The following RIBC2 variants were observed in gnomAD, a reference collection of about 807,000 sequenced individuals.
RIBC2 encodes RIB43A domain with coiled-coils 2, also known as RIB43A-like with coiled-coils protein 2.
Under a neutral mutation model 44.3 loss-of-function variants are expected in RIBC2, and 40 were observed. The ratio of observed to expected loss-of-function variants is 0.90; its 90% CI spans 0.70 to 1.18. The LOEUF (loss-of-function observed/expected upper bound fraction) is 1.18. Ranked by LOEUF, RIBC2 falls within the 50% of genes most tolerant of loss-of-function variation. The pLI, the probability that RIBC2 is intolerant of heterozygous loss-of-function variation, is 0.00. For missense variants in RIBC2, 459 were observed against 485.5 expected (o/e 0.95, Z 0.51); for synonymous variants, 171 against 175.0 (o/e 0.98, Z 0.18).
At chr22:45,431,835 T>C (rs2087583180) in intron 6 of RIBC2, among the ~76,000 whole-genome samples, 1 of 152,140 alleles carries the variant, frequency 6.6e-6, no homozygotes, top group African/African-American at 2.4e-5. Flanking sequence ...TAGCCAGGCA[T>C]GGTGGCACAC....
chr22:45,419,153 C>G (rs117191793), intron 3 of RIBC2, among the ~76,000 whole-genome samples: 274 of 152,342 alleles, frequency 1.8e-3, no homozygotes, highest in Non-Finnish European at 3.1e-3. Flanking sequence ...TAAATGCCAC[C>G]TATAGGCCAT....
Position 45,415,612 on chromosome 22 carries a change from T to C in RIBC2, c.211+1209T>C, listed in dbSNP as rs958435819. 1.2e-4 allele frequency among the ~76,000 whole-genome samples: 17 copies of C among 145,542 alleles called. No individual in the cohort carries two copies. In the East Asian group the frequency reaches 2.7e-3, roughly 23 times the overall value. On this transcript the variant is annotated intron_variant, in intron 2 of 6. Transcript: ENST00000614167. Reference sequence around the variant, plus strand: ...TGTTTTTTATATATGTGTATATATATATATATATATATAACAACACTGCCC... The same window carrying C: ...TGTTTTTTATATATGTGTATATATACATATATATATATAACAACACTGCCC...
intron 3 of RIBC2, among the ~76,000 whole-genome samples, chr22:45,421,650 C>T (rs1194478956): frequency 6.6e-6 from 1 of 150,656 alleles, no homozygotes; most frequent in Non-Finnish European, 1.5e-5. Flanking sequence ...TCCTGCTTCA[C>T]AGGTAAGGAC....
At position 45,430,766 on chromosome 22, in the gene RIBC2, C is replaced by T. The variant is rs962737385; in HGVS notation, c.904-134C>T. The T allele has an allele frequency of 1.6e-4, 178 of 1,134,716 alleles. 1 individual carries two copies. The highest frequency in any genetic ancestry group is 6.2e-4 in the South Asian group (37 of 59,708). 70.3% of individuals were successfully genotyped at this position (1,134,716 alleles called of 1,614,324 possible). A position where few individuals can be genotyped will look rare whatever the true frequency, so the allele number is the denominator to read the frequency against. On this transcript the variant is annotated intron_variant, in intron 5 of 6. Coordinates refer to ENST00000614167, the MANE Select transcript of RIBC2 (RefSeq NM_015653.5). ...TCTCCTCTGGCTTCCTGCATGACAT[C>T]GGTCACCTACCTGCTCGTCCTCTGA...
chr22:45,432,255 AC>A, intron 6 of RIBC2, 28 bp from the exon 7 acceptor site: 4 of 1,279,840 alleles, frequency 3.1e-6, no homozygotes, highest in Non-Finnish European at 3.3e-6. Flanking sequence ...ACATTTGCTG[AC>A]CTTTTTTTTT....
chr22:45,425,120 C>CA (rs1339900568), intron 4 of RIBC2, among the ~76,000 whole-genome samples: 12 of 148,512 alleles, frequency 8.1e-5, no homozygotes, highest in Non-Finnish European at 1.5e-4. Flanking sequence ...GACTCCGTCT[C>CA]AAAAAAACAA....
At chr22:45,415,994 C>T (rs953529198) in intron 2 of RIBC2, among the ~76,000 whole-genome samples, 2 of 152,296 alleles carry the variant, frequency 1.3e-5, no homozygotes, top group African/African-American at 4.8e-5. Flanking sequence ...GCCACCAGGC[C>T]CAGCCCCCAC....
At chr22:45,420,508 T>A (rs2087467756) in intron 3 of RIBC2, among the ~76,000 whole-genome samples, 1 of 152,228 alleles carries the variant, frequency 6.6e-6, no homozygotes, top group Non-Finnish European at 1.5e-5. Flanking sequence ...CAAAAGGCTT[T>A]GTTTCAGCTG....
In RIBC2 at chr22:45,417,928, G is replaced by C. The variant is rs755767708; in HGVS notation, c.538G>C (p.Ala180Pro). Residue 180 changes from alanine to proline, a missense_variant, in exon 3 of 7, where the codon GCT becomes CCT. Coordinates refer to ENST00000614167, the MANE Select transcript of RIBC2 (RefSeq NM_015653.5). ...GCAAAGGGAATGGAAGAACGCCCGT[G>C]CTGAACAAAAATGCGCAGGTAATGA... ...QQQREWKNAR[A>P]EQKCAEALYT... The C allele has an allele frequency of 3.4e-5, 55 of 1,603,114 alleles. No homozygotes were observed. The East Asian group carries it at 1.1e-3, about 33-fold the overall frequency.
intron 5 of RIBC2, among the ~76,000 whole-genome samples, chr22:45,429,727 G>A (rs535275949): frequency 1.8e-4 from 27 of 152,298 alleles, no homozygotes; most frequent in African/African-American, 5.8e-4. Flanking sequence ...CAGGACTGCC[G>A]CTCTGCCTGG....
rs553773322 is a variant in RIBC2, at chr22:45,428,567, C to T, written c.904-2333C>T. On this transcript the variant is annotated intron_variant, in intron 5 of 6. Coordinates refer to ENST00000614167, the MANE Select transcript of RIBC2 (RefSeq NM_015653.5). ...GAGCTCAGAGCCATCACTGGAGTCACGGGAAGGGGCATCAGGGCGGGAGCT... is the reference window on the plus strand; with the variant it reads ...GAGCTCAGAGCCATCACTGGAGTCATGGGAAGGGGCATCAGGGCGGGAGCT... Among the ~76,000 whole-genome samples, 6 of 152,148 alleles carry T rather than the reference C, an allele frequency of 3.9e-5. No individual in the cohort carries two copies. The East Asian group carries it at 1.2e-3, about 29-fold the overall frequency.
At chr22:45,422,783 C>A (rs1569209509) in intron 4 of RIBC2, among the ~76,000 whole-genome samples, 2 of 152,112 alleles carry the variant, frequency 1.3e-5, no homozygotes, top group African/African-American at 4.8e-5. Flanking sequence ...CAGACTTCCC[C>A]TTTACTGAGA....
intron 3 of RIBC2, among the ~76,000 whole-genome samples, chr22:45,420,201 GT>G (rs760566275): frequency 1.3e-5 from 2 of 152,120 alleles, no homozygotes; most frequent in Non-Finnish European, 2.9e-5. Flanking sequence ...CTATCTTGCT[GT>G]TTTCAGACGT....
intron 2 of RIBC2, among the ~76,000 whole-genome samples, chr22:45,414,711 T>C (rs2087402830): frequency 6.6e-6 from 1 of 152,210 alleles, no homozygotes; most frequent in East Asian, 1.9e-4. Context: ...CAATTTCTTG[T>C]GCCCAGTTAA....
In RIBC2 at chr22:45,417,851, A is replaced by G. The variant is rs1006600380; in HGVS notation, c.461A>G (p.His154Arg). 4 of 1,614,038 alleles carry G rather than the reference A, an allele frequency of 2.5e-6. No individual in the cohort carries two copies. Among genetic ancestry groups the G allele is most frequent in the East Asian group, 2.2e-5 (1 of 44,896 alleles). Residue 154 changes from histidine (H) to arginine (R), a missense_variant, in exon 3 of 7, where the codon CAT (histidine) becomes CGT (arginine). By Grantham distance (29) the His-to-Arg change is conservative (BLOSUM62 0). Transcript: ENST00000614167. ...QKFMGEDLNFHERKKFQEEQN... is the reference protein window; with the variant it reads ...QKFMGEDLNFRERKKFQEEQN... ...TTCATGGGAGAGGATTTAAACTTCCATGAGAGGAAGAAATTCCAAGAGGAA... is the reference window on the plus strand; with the variant it reads ...TTCATGGGAGAGGATTTAAACTTCCGTGAGAGGAAGAAATTCCAAGAGGAA...
At chr22:45,419,314 C>T (rs1465551091) in intron 3 of RIBC2, among the ~76,000 whole-genome samples, 13 of 152,016 alleles carry the variant, frequency 8.6e-5, no homozygotes, top group Admixed American at 8.5e-4. Context: ...CTTCTACCCA[C>T]ATCCGTGACA....
At chr22:45,428,848 C>T (rs140959501) in intron 5 of RIBC2, among the ~76,000 whole-genome samples, 2 of 151,702 alleles carry the variant, frequency 1.3e-5, no homozygotes, top group Admixed American at 1.3e-4. Flanking sequence ...TGGGTCACCC[C>T]ATAGTCTGGG....
chr22:45,423,029 T>G (rs2087501826), intron 4 of RIBC2, among the ~76,000 whole-genome samples: 1 of 152,134 alleles, frequency 6.6e-6, no homozygotes, highest in Admixed American at 6.6e-5. Context: ...TCACCCAGGC[T>G]GAAGTGTAGT....
chr22:45,427,108 T>C (rs1002142821), intron 5 of RIBC2, among the ~76,000 whole-genome samples: 1 of 152,208 alleles, frequency 6.6e-6, no homozygotes, highest in African/African-American at 2.4e-5. Context: ...GATATCTGTA[T>C]CTATTAGGAT....
Sources: gnomAD v4.1 joint callset for allele counts (sites outside exome capture counted in the v4.1 genomes callset) on GRCh38, gnomAD v4.1.1 for gene constraint, MANE v1.5 for transcripts, NCBI Gene and HGNC (gene_info 2026-07-23, HGNC 2026-07-21) for gene names.